Variants in OR10J1 observed in about 807,000 individuals in gnomAD.
OR10J1 encodes the protein olfactory receptor family 10 subfamily J member 1, also known as olfactory receptor 10J1.
For missense variants in OR10J1, 474 were observed against 376.6 expected, an observed-to-expected ratio of 1.26 and a Z score of -2.14; for synonymous variants, 202 against 143.8, an observed-to-expected ratio of 1.40 and a Z score of -2.89.
At chr1:159,405,010 G>A in the OR10J1 span, among the ~76,000 whole-genome samples, 277 of 152,168 alleles carry the variant, frequency 1.8e-3, 1 homozygote, top group Non-Finnish European at 3.3e-3. Context: ...CAAGACATGA[G>A]GTAGCACTAT....
At chr1:159,423,728 A>G in the OR10J1 span, among the ~76,000 whole-genome samples, 1 of 152,180 alleles carries the variant, frequency 6.6e-6, no homozygotes, top group Non-Finnish European at 1.5e-5. Flanking sequence ...CAAGGTTTAC[A>G]ACCACCAGAA....
At chr1:159,426,389 G>A in the OR10J1 span, among the ~76,000 whole-genome samples, 56 of 151,872 alleles carry the variant, frequency 3.7e-4, 1 homozygote, top group East Asian at 9.8e-3. Flanking sequence ...GAAAATTGTT[G>A]TAATATTGCT....
chr1:159,418,134 C>T, the OR10J1 span, among the ~76,000 whole-genome samples: 1 of 152,186 alleles, frequency 6.6e-6, no homozygotes, highest in East Asian at 1.9e-4. Flanking sequence ...AGAAAATTTG[C>T]AGTCTGACAA....
At chr1:159,415,713 C>G in the OR10J1 span, among the ~76,000 whole-genome samples, 1 of 151,678 alleles carries the variant, frequency 6.6e-6, no homozygotes. Flanking sequence ...AACGATATGA[C>G]TAATATTCAC....
At chr1:159,404,136 G>GTAAAT in the OR10J1 span, among the ~76,000 whole-genome samples, 9 of 151,968 alleles carry the variant, frequency 5.9e-5, no homozygotes, top group Non-Finnish European at 1.2e-4. Flanking sequence ...AGGGGGAGGT[G>GTAAAT]GGGATTGTAA....
upstream of OR10J1, chr1:159,439,689 T>A (rs12145616): frequency 9.2e-6 from 13 of 1,407,598 alleles, no homozygotes; most frequent in Admixed American, 2.4e-4. Flanking sequence ...GATTTGTAAC[T>A]GAGAACTATT....
the OR10J1 span, among the ~76,000 whole-genome samples, chr1:159,419,995 G>T: frequency 6.6e-6 from 1 of 152,028 alleles, no homozygotes; most frequent in Non-Finnish European, 1.5e-5. Flanking sequence ...TTTTGTATAT[G>T]GATGCTCTGA....
At chr1:159,438,324 G>T (rs913845874), upstream of OR10J1, among the ~76,000 whole-genome samples, 2 of 152,162 alleles carry the variant, frequency 1.3e-5, no homozygotes, top group Non-Finnish European at 2.9e-5. Context: ...TTGGTATTTG[G>T]AAGAAGGGAA....
At chr1:159,412,672 A>T in the OR10J1 span, among the ~76,000 whole-genome samples, 1 of 151,970 alleles carries the variant, frequency 6.6e-6, no homozygotes, top group Non-Finnish European at 1.5e-5. Context: ...CTTACACCTT[A>T]CACAAAAATT....
At chr1:159,407,380 T>G in the OR10J1 span, among the ~76,000 whole-genome samples, 1 of 152,118 alleles carries the variant, frequency 6.6e-6, no homozygotes, top group Non-Finnish European at 1.5e-5. Flanking sequence ...ATCTCTAAAA[T>G]GAGCTTAATG....
rs1318328529 is a variant in OR10J1, at chr1:159,440,750, T to C, written c.*29T>C. The C allele has an allele frequency of 6.3e-7, 1 of 1,589,532 alleles. No individual in the cohort carries two copies. Among genetic ancestry groups the C allele is most frequent in the South Asian group, 1.1e-5 (1 of 87,400 alleles). ...TGTAGGAAGAGTTCTCCTGAGGCTG[T>C]CAACATCCACACTAGGCAGGAATAT... On this transcript the variant is annotated 3_prime_UTR_variant, in exon 1 of 1. Transcript: ENST00000423932.
In OR10J1 at chr1:159,440,076, A is replaced by T. The variant is rs140782298; in HGVS notation, c.285A>T (p.Ala95=). 5.8e-5 allele frequency: 94 copies of T among 1,614,014 alleles called. No homozygotes were observed. The African/African-American group carries it at 1.1e-3, about 20-fold the overall frequency. Residue 95 remains alanine, a synonymous_variant, in exon 1 of 1, where the codon GCA becomes GCT. Transcript: ENST00000423932. ...LVGMSQPISL[A]GCATQMFFFV... is the part of the protein sequence containing the mutation. ...GTATGAGCCAGCCCATATCATTGGC[A>T]GGGTGTGCCACACAGATGTTCTTTT...
the OR10J1 span, among the ~76,000 whole-genome samples, chr1:159,418,187 G>T: frequency 6.6e-6 from 1 of 152,314 alleles, no homozygotes; most frequent in African/African-American, 2.4e-5. Flanking sequence ...AGAAATTCAA[G>T]CCAGCTGGAG....
the OR10J1 span, among the ~76,000 whole-genome samples, chr1:159,429,058 G>T: frequency 6.6e-6 from 1 of 152,190 alleles, no homozygotes; most frequent in Non-Finnish European, 1.5e-5. Flanking sequence ...GGAAAGCAAG[G>T]TTGGGTCAGT....
rs1655917972 is a variant in OR10J1, at chr1:159,440,633, C to G, written c.842C>G (p.Thr281Ser). 6.2e-6 allele frequency: 10 copies of G among 1,613,902 alleles called. No homozygotes were observed. In the East Asian group the frequency reaches 1.1e-4, roughly 18 times the overall value. Residue 281 changes from threonine to serine, a missense_variant, in exon 1 of 1, where the codon ACT becomes AGT. Transcript: ENST00000423932. ...QLISVTYTVI[T>S]PLLNPVVYTL... ...ATCTCGGTGACCTACACTGTCATCA[C>G]TCCCCTACTGAACCCTGTGGTATAC... is the stretch of plus-strand genomic sequence containing the variant.
the OR10J1 span, among the ~76,000 whole-genome samples, chr1:159,403,888 A>G: frequency 6.6e-6 from 1 of 152,200 alleles, no homozygotes; most frequent in South Asian, 2.1e-4. Context: ...ATGAATGGAT[A>G]AAGAAAATGT....
the OR10J1 span, among the ~76,000 whole-genome samples, chr1:159,403,652 G>C: frequency 1.3e-5 from 2 of 152,144 alleles, no homozygotes; most frequent in Non-Finnish European, 2.9e-5. Context: ...GGGAACACTT[G>C]CACACAGCTG....
the OR10J1 span, among the ~76,000 whole-genome samples, chr1:159,403,716 A>G: frequency 6.6e-6 from 1 of 152,154 alleles, no homozygotes; most frequent in Non-Finnish European, 1.5e-5. Context: ...AGGTTCCTCA[A>G]AAAACTAATA....
At chr1:159,431,801 T>C in the OR10J1 span, among the ~76,000 whole-genome samples, 2 of 152,200 alleles carry the variant, frequency 1.3e-5, no homozygotes, top group Non-Finnish European at 2.9e-5. Context: ...TGCCCAGTTG[T>C]AGGCTAATGC....
Sources: allele counts gnomAD v4.1 joint callset (sites outside exome capture counted in the v4.1 genomes callset), GRCh38; gene constraint gnomAD v4.1.1; transcripts MANE v1.5; gene names NCBI Gene and HGNC (gene_info 2026-07-23, HGNC 2026-07-21).